The following UBR4 variants were observed in gnomAD, a reference collection of about 807,000 sequenced individuals.
The protein encoded by UBR4 is E3 ubiquitin-protein ligase UBR4.
A neutral mutation model predicts 575.6 loss-of-function variants in UBR4; 124 were observed. That is an observed-to-expected ratio of 0.22 (90% CI 0.19 to 0.25). UBR4 has a LOEUF of 0.25. UBR4 is among the 10% of genes least tolerant of loss of function. UBR4 has a pLI of 1.00. For missense variants in UBR4, 4,818 were observed against 6,478.8 expected (o/e 0.74, Z 8.80); for synonymous variants, 2,455 against 2,473.7 (o/e 0.99, Z 0.22).
intron 29 of UBR4, among the ~76,000 whole-genome samples, chr1:19,166,658 A>G (rs532255285): frequency 2.5e-3 from 340 of 138,134 alleles, no homozygotes; most frequent in African/African-American, 8.1e-3. Context: ...TGGGAGGATC[A>G]CTTGAGCTCA....
At chr1:19,141,024 T>C in intron 57 of UBR4, 132 bp from the exon 58 acceptor site, 2 of 939,424 alleles carry the variant, frequency 2.1e-6, no homozygotes, top group Non-Finnish European at 3.2e-6. Flanking sequence ...GGAAGTTAGC[T>C]AGCAGCCACT....
rs548761393 is a variant in UBR4, at chr1:19,169,523, A to T, written c.3653T>A (p.Leu1218Gln). ...CACTGACGATGGCAAATTCTGAACC[A>T]GTGTCGGACCTGGAGGCGACAGAAA... ...RCKANTLGPT[L>Q]VQNLPSSVQT... Residue 1218 changes from leucine (L) to glutamine (Q), a missense_variant, in exon 27 of 106, where the codon CTG becomes CAG. Physicochemically the swap from Leu to Gln is moderately radical, Grantham distance 113. This residue lies in a region of UBR4 where 1,172 missense variants were observed against 1,259.7 expected (regional missense o/e 0.93). Coordinates refer to ENST00000375254, the MANE Select transcript of UBR4 (RefSeq NM_020765.3). 16 of 1,613,524 alleles carry T rather than the reference A, an allele frequency of 9.9e-6. No homozygotes were observed. The highest frequency in any genetic ancestry group is 1.4e-5 in the Non-Finnish European group (16 of 1,179,856).
intron 2 of UBR4, among the ~76,000 whole-genome samples, chr1:19,200,813 T>TAAA (rs2092709455): frequency 6.6e-6 from 1 of 152,110 alleles, no homozygotes; most frequent in African/African-American, 2.4e-5. Flanking sequence ...AAAAATACAC[T>TAAA]AATTCTTCAA....
rs774393371 is a variant in UBR4 at position 19,187,480 on chromosome 1, C to T, written c.1455G>A (p.Thr485=). The change falls in exon 12 of 106, where the codon ACG becomes ACA. Residue 485 remains threonine, a synonymous_variant. Coordinates refer to ENST00000375254, the MANE Select transcript of UBR4 (RefSeq NM_020765.3). ...CCACTTGTAGGTCTTGAAAGAGAGA[C>T]GTTAGCAGTTTGATGGCATGGTTTG... ...ILANHAIKLL[T]SLFQDLQVEA... 19 of 1,613,780 alleles carry T rather than the reference C, an allele frequency of 1.2e-5. No homozygotes were observed. The highest frequency in any genetic ancestry group is 1.6e-5 in the Non-Finnish European group (19 of 1,180,008).
Position 19,197,953 on chromosome 1 carries a change from C to G in UBR4, c.745G>C (p.Glu249Gln), listed in dbSNP as rs377359681. Reference sequence around the variant, plus strand: ...TAACAGTTGGGAGTCTTACCAAGCTCTTGAAGACTAGCCACGTTCTGAGCT... The same window carrying G: ...TAACAGTTGGGAGTCTTACCAAGCTGTTGAAGACTAGCCACGTTCTGAGCT... ...FIAQNVASLQ[E>Q]LGGSEKLLRV... The change falls in exon 6 of 106, where the codon GAG becomes CAG. Residue 249 changes from glutamate to glutamine, a missense_variant. Around this residue, in one of 29 missense-constraint regions of UBR4, gnomAD observed 131 missense variants for 214.5 expected, o/e 0.61. Transcript: ENST00000375254. 6.2e-7 allele frequency: 1 copy of G among 1,613,988 alleles called. No individual in the cohort carries two copies. Among genetic ancestry groups the G allele is most frequent in the African/African-American group, 1.3e-5 (1 of 74,902 alleles).
Position 19,104,307 on chromosome 1 carries a change from G to A in UBR4, c.12728-50C>T, listed in dbSNP as rs749883522. On this transcript the variant is annotated intron_variant, in intron 86 of 105. Coordinates refer to ENST00000375254, the MANE Select transcript of UBR4 (RefSeq NM_020765.3). Reference sequence around the variant, plus strand: ...GTGAGAGCTCTGGATGAAAACATAAGGACAGTCTGTGTCTCAAAAGATTAT... The same window carrying A: ...GTGAGAGCTCTGGATGAAAACATAAAGACAGTCTGTGTCTCAAAAGATTAT... 4 of 1,597,204 alleles carry A rather than the reference G, an allele frequency of 2.5e-6. No individual in the cohort carries two copies. In the African/African-American group the frequency reaches 4.0e-5, roughly 16 times the overall value.
Position 19,124,621 on chromosome 1 carries a change from G to A in UBR4, c.9508C>T (p.Gln3170Ter). Residue 3170 changes from glutamine (Q) to a stop codon, truncating the protein, a stop_gained, in exon 65 of 106, where the codon CAA becomes TAA. Coordinates refer to ENST00000375254, the MANE Select transcript of UBR4 (RefSeq NM_020765.3). LOFTEE classifies it high-confidence loss of function. ...LTEMVLRLPY[Q>*]IKKITDTNSR... ...TTGGTGTCAGTAATCTTTTTGATTTGGTAAGGAAGCCTCAGTACCATTTCT... is the reference window on the plus strand; with the variant it reads ...TTGGTGTCAGTAATCTTTTTGATTTAGTAAGGAAGCCTCAGTACCATTTCT... 1 of 1,614,172 alleles carries A rather than the reference G, an allele frequency of 6.2e-7. No individual in the cohort carries two copies. Among genetic ancestry groups the A allele is most frequent in the Non-Finnish European group, 8.5e-7 (1 of 1,180,024 alleles).
chr1:19,156,031 G>A (rs1014743071), intron 42 of UBR4, among the ~76,000 whole-genome samples: 5 of 152,286 alleles, frequency 3.3e-5, no homozygotes, highest in East Asian at 3.9e-4. Flanking sequence ...TTTAGAGACA[G>A]GGTCTTGCTC....
chr1:19,112,663 G>A lies in UBR4; in HGVS notation c.11662C>T (p.Arg3888Trp), dbSNP rs370553144. ...AVTEHCITLL[R>W]ALATNPALRH... The stretch of plus-strand genomic sequence containing the variant: ...AAGGCTGGGTTGGTGGCCAGGGCCC[G>A]AAGTAGTGTGATACAATGTTCTGTG... Residue 3888 changes from arginine (R) to tryptophan (W), a missense_variant, in exon 78 of 106, where the codon CGG becomes TGG. Around this residue, in one of 29 missense-constraint regions of UBR4, gnomAD observed 333 missense variants for 459.2 expected, o/e 0.73. Transcript: ENST00000375254. 32 of 1,614,116 alleles carry A rather than the reference G, an allele frequency of 2.0e-5. No individual in the cohort carries two copies. Among genetic ancestry groups the A allele is most frequent in the African/African-American group, 1.3e-4 (10 of 74,936 alleles).
chr1:19,083,663 T>C (rs1370735793), intron 102 of UBR4, among the ~76,000 whole-genome samples: 2 of 152,222 alleles, frequency 1.3e-5, no homozygotes, highest in African/African-American at 2.4e-5. Context: ...GTCTCCCGAA[T>C]AGCTGGGACT....
In UBR4 at chr1:19,161,031, T is replaced by A; in HGVS notation, c.5292A>T (p.Pro1764=). The part of the protein sequence containing the change: ...SLVRHASTSS[P]ADKAKVTISD... Reference sequence around the variant, plus strand: ...TGATGGTAACCTTGGCTTTGTCAGCTGGCGAGGAGGTGCTGGCATGACGCA... The same window carrying A: ...TGATGGTAACCTTGGCTTTGTCAGCAGGCGAGGAGGTGCTGGCATGACGCA... The change falls in exon 38 of 106, where the codon CCA becomes CCT. Residue 1764 remains proline, a synonymous_variant. Transcript: ENST00000375254. 1.2e-6 allele frequency: 2 copies of A among 1,614,180 alleles called. No individual in the cohort carries two copies. The highest frequency in any genetic ancestry group is 1.7e-6 in the Non-Finnish European group (2 of 1,180,018).
intron 86 of UBR4, 56 bp downstream of exon 86, chr1:19,104,529 G>T: frequency 6.3e-7 from 1 of 1,581,094 alleles, no homozygotes. Context: ...AGGAACTAAG[G>T]GTTGTCCCTA....
At chr1:19,184,947 G>T in intron 15 of UBR4, 152 bp downstream of exon 15, 1 of 867,220 alleles carries the variant, frequency 1.2e-6, no homozygotes. Flanking sequence ...GTTATTTAAT[G>T]ACACATAATC....
intron 103 of UBR4, 134 bp from the exon 104 acceptor site, chr1:19,078,200 G>T: frequency 1.1e-6 from 1 of 896,448 alleles, no homozygotes; most frequent in Non-Finnish European, 1.7e-6. Context: ...CTAGCCTTCT[G>T]CTTGGAAAAA....
rs760883122 is a variant in UBR4, at chr1:19,153,975, A to T, written c.6459-36T>A. On this transcript the variant is annotated intron_variant, in intron 44 of 105. Coordinates refer to ENST00000375254, the MANE Select transcript of UBR4 (RefSeq NM_020765.3). This position sits in a 1 kb window ranked among gnomAD's most constrained non-coding sequence, Gnocchi z 4.1. ...CAAAACTGGCCACAGTTAGAGTGTC[A>T]GTCACCATTTAATAGTTCTTTTCTT... is the stretch of plus-strand genomic sequence containing the variant. 7.0e-5 allele frequency: 112 copies of T among 1,604,040 alleles called. 3 individuals carry two copies. The South Asian group carries it at 1.2e-3, about 17-fold the overall frequency.
intron 81 of UBR4, among the ~76,000 whole-genome samples, chr1:19,107,699 T>C (rs1375315501): frequency 6.6e-6 from 1 of 151,972 alleles, no homozygotes; most frequent in East Asian, 1.9e-4. Context: ...GCAGGAGGAT[T>C]GCTTGCACCC....
At chr1:19,208,456 G>A (rs909645039) in intron 1 of UBR4, among the ~76,000 whole-genome samples, 19 of 67,760 alleles carry the variant, frequency 2.8e-4, no homozygotes, top group Non-Finnish European at 4.7e-4. Flanking sequence ...GACAGAGCAA[G>A]AATCCATCTC....
intron 81 of UBR4, among the ~76,000 whole-genome samples, chr1:19,109,410 A>G (rs1331911038): frequency 6.6e-6 from 1 of 152,248 alleles, no homozygotes; most frequent in African/African-American, 2.4e-5. Flanking sequence ...CTAGACATAA[A>G]AAGTATTACT....
At chr1:19,181,786 T>C (rs1259507819) in intron 17 of UBR4, among the ~76,000 whole-genome samples, 2 of 152,240 alleles carry the variant, frequency 1.3e-5, no homozygotes, top group East Asian at 3.8e-4. Flanking sequence ...GTTTTACTTT[T>C]CTTATGTGGT....
Sources: allele counts gnomAD v4.1 joint callset (sites outside exome capture counted in the v4.1 genomes callset), GRCh38; gene constraint gnomAD v4.1.1; regional missense constraint gnomAD v4.1.1; non-coding constraint Gnocchi (gnomAD v3.1); transcripts MANE v1.5; gene names NCBI Gene and HGNC (gene_info 2026-07-23, HGNC 2026-07-21).